ADCY5: variants seen among roughly 807,000 people sequenced by gnomAD.
ADCY5 encodes the protein adenylate cyclase 5, also known as adenylate cyclase type 5.
A neutral mutation model predicts 119.7 loss-of-function variants in ADCY5; 30 were observed. That is an observed-to-expected ratio of 0.25 (90% CI 0.19 to 0.34). The LOEUF (loss-of-function observed/expected upper bound fraction) is 0.34. Among genes scored for constraint, ADCY5 ranks in the 10% least tolerant of loss-of-function variants. The probability of loss-of-function intolerance (pLI) is 1.00; values close to 1 mark genes in which losing one functional copy is unlikely to be tolerated. For missense variants in ADCY5, 1,324 were observed against 1,775.2 expected, an observed-to-expected ratio of 0.75 and a Z score of 4.57; for synonymous variants, 753 against 762.2, an observed-to-expected ratio of 0.99 and a Z score of 0.20.
At chr3:123,434,418 G>C (rs1036220789) in intron 1 of ADCY5, among the ~76,000 whole-genome samples, 7 of 152,134 alleles carry the variant, frequency 4.6e-5, no homozygotes, top group African/African-American at 7.2e-5. Flanking sequence ...GAGAGAAAAA[G>C]GACTAAAAAG....
chr3:123,339,525 T>C (rs1003648080), intron 3 of ADCY5, among the ~76,000 whole-genome samples: 1 of 152,202 alleles, frequency 6.6e-6, no homozygotes, highest in Non-Finnish European at 1.5e-5. Context: ...GGACACAGAA[T>C]GCCTGCACAA....
chr3:123,317,872 C>G (rs1020143430), intron 11 of ADCY5, 148 bp downstream of exon 11: 3 of 707,976 alleles, frequency 4.2e-6, no homozygotes, highest in African/African-American at 1.8e-5. Context: ...CTTCCTACCC[C>G]ACCAAGGGCA....
At chr3:123,310,211 G>A (rs1940482698) in intron 12 of ADCY5, among the ~76,000 whole-genome samples, 1 of 151,386 alleles carries the variant, frequency 6.6e-6, no homozygotes, top group Non-Finnish European at 1.5e-5. Flanking sequence ...CTGCTGGGAA[G>A]GAGTTTGGCC....
chr3:123,338,550 G>A (rs56207632), intron 3 of ADCY5, among the ~76,000 whole-genome samples: 15,723 of 152,220 alleles, frequency 0.1, 1,556 homozygotes, highest in African/African-American at 0.24. Context: ...TGGCCCAGAC[G>A]TGCAGGAAGG....
At chr3:123,343,025 C>T (rs1362520073) in intron 3 of ADCY5, among the ~76,000 whole-genome samples, 2 of 152,218 alleles carry the variant, frequency 1.3e-5, no homozygotes, top group African/African-American at 2.4e-5. Flanking sequence ...CACCCTCTTA[C>T]GGATGCTGCT....
intron 2 of ADCY5, 77 bp from the exon 3 acceptor site, chr3:123,347,980 C>T: frequency 1.3e-6 from 2 of 1,593,748 alleles, no homozygotes; most frequent in South Asian, 2.2e-5. Context: ...ACACCTGTGC[C>T]CCTGCCTGAG....
chr3:123,295,948 C>T (rs1019839058), intron 17 of ADCY5, 136 bp downstream of exon 17: 25 of 1,308,622 alleles, frequency 1.9e-5, no homozygotes, highest in South Asian at 3.0e-5. Flanking sequence ...CAAGTGGCTT[C>T]GATGGGGCCT....
intron 1 of ADCY5, among the ~76,000 whole-genome samples, chr3:123,396,459 G>T (rs1316965407): frequency 7.3e-6 from 1 of 136,488 alleles, no homozygotes; most frequent in Non-Finnish European, 1.6e-5. Context: ...GGGAGGGAAG[G>T]AGACAAAGAA....
At chr3:123,340,721 A>C (rs1163632080) in intron 3 of ADCY5, among the ~76,000 whole-genome samples, 1 of 152,206 alleles carries the variant, frequency 6.6e-6, no homozygotes, top group African/African-American at 2.4e-5. Flanking sequence ...GCTGGGAAGA[A>C]GGTCAAATGG....
intron 11 of ADCY5, among the ~76,000 whole-genome samples, chr3:123,315,875 G>A (rs1402990670): frequency 6.6e-6 from 1 of 152,144 alleles, no homozygotes; most frequent in Non-Finnish European, 1.5e-5. Context: ...GTGAGCCACT[G>A]CACCTGGCCT....
chr3:123,394,928 G>C (rs907508112), intron 1 of ADCY5, among the ~76,000 whole-genome samples: 1 of 152,180 alleles, frequency 6.6e-6, no homozygotes, highest in Admixed American at 6.5e-5. Flanking sequence ...ATAAATGCTG[G>C]CATGAATTTT....
chr3:123,387,797 T>A (rs1203953664), intron 1 of ADCY5, among the ~76,000 whole-genome samples: 2 of 152,232 alleles, frequency 1.3e-5, no homozygotes, highest in Admixed American at 6.5e-5. Flanking sequence ...ATAAGGCCTA[T>A]CTTGGGTTTT....
chr3:123,401,842 G>A (rs771530226), intron 1 of ADCY5, among the ~76,000 whole-genome samples: 1 of 152,116 alleles, frequency 6.6e-6, no homozygotes, highest in Non-Finnish European at 1.5e-5. Flanking sequence ...TCTCAGAAAG[G>A]GTCTTAGAAA....
chr3:123,400,107 T>C (rs1332421136), intron 1 of ADCY5, among the ~76,000 whole-genome samples: 1 of 152,152 alleles, frequency 6.6e-6, no homozygotes, highest in African/African-American at 2.4e-5. Context: ...ACACTGCTGA[T>C]AAAAAGGGAA....
chr3:123,436,287 T>C (rs13062818), intron 1 of ADCY5, among the ~76,000 whole-genome samples: 141,424 of 151,932 alleles, frequency 0.93, 66,585 homozygotes, highest in Non-Finnish European at 1. Flanking sequence ...GTGGGAGGAT[T>C]GCTTGAGCCC....
intron 12 of ADCY5, among the ~76,000 whole-genome samples, chr3:123,311,516 G>T (rs1940577799): frequency 6.6e-6 from 1 of 152,158 alleles, no homozygotes; most frequent in African/African-American, 2.4e-5. Flanking sequence ...GGAAGAAGAA[G>T]AATTCAGTGG....
intron 3 of ADCY5, among the ~76,000 whole-genome samples, chr3:123,345,765 G>GACACACACACACACACACACAC (rs1491192654): frequency 5.2e-5 from 7 of 135,340 alleles, no homozygotes; most frequent in Admixed American, 2.9e-4. Context: ...CAGACAGACA[G>GACACACACACACACACACACAC]ACAGACACAC....
At chr3:123,302,018 A>G (rs1939881607) in intron 14 of ADCY5, among the ~76,000 whole-genome samples, 1 of 152,240 alleles carries the variant, frequency 6.6e-6, no homozygotes, top group African/African-American at 2.4e-5. Context: ...TCTGAGAGCC[A>G]GATCCCAGGC....
intron 14 of ADCY5, among the ~76,000 whole-genome samples, chr3:123,300,671 C>T (rs559941992): frequency 2.6e-5 from 4 of 152,296 alleles, no homozygotes; most frequent in South Asian, 2.1e-4. Context: ...GATGAACACA[C>T]GGAAGGAAGC....
Sources: allele counts gnomAD v4.1 joint callset (sites outside exome capture counted in the v4.1 genomes callset), GRCh38; gene constraint gnomAD v4.1.1; transcripts MANE v1.5; gene names NCBI Gene and HGNC (gene_info 2026-07-23, HGNC 2026-07-21).